CAMKMT: variants seen among roughly 807,000 people sequenced by gnomAD.
The protein encoded by CAMKMT is CaM KMT.
Under a neutral mutation model 48.0 loss-of-function variants are expected in CAMKMT, and 53 were observed. The observed-to-expected ratio is 1.10, with a 90% CI of 0.89 to 1.39. CAMKMT has a LOEUF of 1.39. CAMKMT is among the 40% of genes most tolerant of loss of function. The probability of loss-of-function intolerance (pLI) is 0.00; values close to 1 mark genes in which losing one functional copy is unlikely to be tolerated. For synonymous variants in CAMKMT, 165 were observed against 152.3 expected (o/e 1.08, Z -0.61); for missense variants, 428 against 402.7 (o/e 1.06, Z -0.54).
chr2:44,440,462 C>T (rs1381104617), intron 3 of CAMKMT, among the ~76,000 whole-genome samples: 2 of 151,740 alleles, frequency 1.3e-5, no homozygotes, highest in Non-Finnish European at 2.9e-5. Context: ...TGTGCTCTTC[C>T]CACTCTTTCA....
chr2:44,408,839 C>G (rs942464825), intron 3 of CAMKMT, among the ~76,000 whole-genome samples: 1 of 151,332 alleles, frequency 6.6e-6, no homozygotes, highest in African/African-American at 2.4e-5. Flanking sequence ...CTTTCTGGGC[C>G]CAAGCAATTC....
intron 3 of CAMKMT, among the ~76,000 whole-genome samples, chr2:44,589,391 C>G (rs1487238518): frequency 3.8e-5 from 2 of 52,106 alleles, no homozygotes; most frequent in Non-Finnish European, 8.2e-5. Flanking sequence ...GTGTGCCCAG[C>G]GGCTCATTGG....
intron 3 of CAMKMT, among the ~76,000 whole-genome samples, chr2:44,425,244 T>C (rs1572843738): frequency 6.6e-6 from 1 of 152,340 alleles, no homozygotes; most frequent in African/African-American, 2.4e-5. Flanking sequence ...AACATTATCT[T>C]ATCATTATCT....
chr2:44,395,588 C>T (rs535918336), intron 3 of CAMKMT, among the ~76,000 whole-genome samples: 3 of 152,028 alleles, frequency 2.0e-5, no homozygotes, highest in Non-Finnish European at 4.4e-5. Flanking sequence ...TTTAGCTCTG[C>T]GGGTTATTAG....
intron 3 of CAMKMT, among the ~76,000 whole-genome samples, chr2:44,614,127 A>G (rs977637179): frequency 2.6e-5 from 4 of 152,322 alleles, no homozygotes; most frequent in Middle Eastern, 3.4e-3. Context: ...AAAAAAGATC[A>G]CACATAGTTT....
intron 3 of CAMKMT, among the ~76,000 whole-genome samples, chr2:44,636,071 G>A (rs1673113262): frequency 6.6e-6 from 1 of 152,192 alleles, no homozygotes; most frequent in African/African-American, 2.4e-5. Context: ...TTAAATGGAA[G>A]TAATAAATCT....
intron 3 of CAMKMT, among the ~76,000 whole-genome samples, chr2:44,538,847 C>T (rs1222592467): frequency 6.6e-6 from 1 of 151,914 alleles, no homozygotes; most frequent in Non-Finnish European, 1.5e-5. Flanking sequence ...CTTGTATGCC[C>T]TTTATAATAA....
intron 3 of CAMKMT, among the ~76,000 whole-genome samples, chr2:44,527,428 A>AT (rs1558679457): frequency 1.8e-5 from 1 of 56,254 alleles, no homozygotes; most frequent in African/African-American, 6.9e-5. Flanking sequence ...ATATATATAT[A>AT]TATTTTTTTT....
At chr2:44,730,007 G>A (rs946919150) in intron 7 of CAMKMT, among the ~76,000 whole-genome samples, 6 of 152,138 alleles carry the variant, frequency 3.9e-5, no homozygotes, top group Admixed American at 3.3e-4. Context: ...GCTTTATCCA[G>A]CACACAGATG....
chr2:44,750,255 C>T (rs542347061), intron 8 of CAMKMT, among the ~76,000 whole-genome samples: 12 of 152,174 alleles, frequency 7.9e-5, no homozygotes, highest in Non-Finnish European at 1.5e-4. Context: ...CTCCAAGGTT[C>T]AAGCGACCCT....
At chr2:44,762,385 GT>G (rs1264397753) in intron 9 of CAMKMT, among the ~76,000 whole-genome samples, 2 of 152,194 alleles carry the variant, frequency 1.3e-5, no homozygotes, top group Admixed American at 1.3e-4. Context: ...GTATTTAATA[GT>G]TTGGTTGCTA....
intron 3 of CAMKMT, among the ~76,000 whole-genome samples, chr2:44,523,208 T>C (rs1445857040): frequency 1.3e-5 from 2 of 151,850 alleles, no homozygotes; most frequent in Non-Finnish European, 2.9e-5. Flanking sequence ...ATTCTGTAGG[T>C]CAAGAATTTG....
intron 3 of CAMKMT, among the ~76,000 whole-genome samples, chr2:44,538,373 C>CAAAAA (rs202189281): frequency 7.7e-6 from 1 of 129,768 alleles, no homozygotes; most frequent in Non-Finnish European, 1.6e-5. Flanking sequence ...ATCTCAAAAA[C>CAAAAA]AAAAAAAAAA....
intron 3 of CAMKMT, among the ~76,000 whole-genome samples, chr2:44,413,295 A>T (rs1683333320): frequency 6.6e-6 from 1 of 152,072 alleles, no homozygotes; most frequent in African/African-American, 2.4e-5. Flanking sequence ...GTCAAATGAA[A>T]GAGGCAGGTA....
intron 3 of CAMKMT, among the ~76,000 whole-genome samples, chr2:44,578,121 T>C (rs183384741): frequency 1.3e-5 from 2 of 152,288 alleles, no homozygotes; most frequent in Non-Finnish European, 2.9e-5. Flanking sequence ...AGGGCCCACA[T>C]GAGAGCTCAG....
chr2:44,368,429 C>G (rs2104344483), intron 1 of CAMKMT, among the ~76,000 whole-genome samples: 1 of 152,238 alleles, frequency 6.6e-6, no homozygotes, highest in African/African-American at 2.4e-5. Context: ...TTACTTTTAC[C>G]TAACATGGAT....
intron 3 of CAMKMT, among the ~76,000 whole-genome samples, chr2:44,625,590 A>G (rs1428196426): frequency 6.6e-6 from 1 of 152,096 alleles, no homozygotes. Context: ...TGCTCACACA[A>G]ACATCATGAA....
At chr2:44,766,345 G>A (rs1182143186) in intron 9 of CAMKMT, 85 bp from the exon 10 acceptor site, 2 of 1,466,700 alleles carry the variant, frequency 1.4e-6, no homozygotes, top group East Asian at 2.3e-5. Flanking sequence ...CTTGAGAGCA[G>A]TACATTAAAT....
intron 3 of CAMKMT, among the ~76,000 whole-genome samples, chr2:44,497,709 A>AGAGAGAGAGAGAG (rs1558657751): frequency 2.1e-4 from 29 of 138,990 alleles, no homozygotes; most frequent in African/African-American, 7.2e-4. Flanking sequence ...TAAGCAGGCA[A>AGAGAGAGAGAGAG]AGAGAGAGAG....
Sources: allele counts gnomAD v4.1 joint callset (sites outside exome capture counted in the v4.1 genomes callset), GRCh38; gene constraint gnomAD v4.1.1; transcripts MANE v1.5; gene names NCBI Gene and HGNC (gene_info 2026-07-23, HGNC 2026-07-21).